LRP1B: variants seen among roughly 807,000 people sequenced by gnomAD.
The protein encoded by LRP1B is low-density lipoprotein receptor-related protein 1B.
In LRP1B, 217 loss-of-function variants were observed where a neutral mutation model predicts 556.6. The ratio of observed to expected loss-of-function variants is 0.39; its 90% CI spans 0.35 to 0.44. The LOEUF (loss-of-function observed/expected upper bound fraction) is 0.44. Among genes scored for constraint, LRP1B ranks in the 20% least tolerant of loss-of-function variants. The pLI is 1.00. For missense variants in LRP1B, 5,053 were observed against 5,620.8 expected (o/e 0.90, Z 3.23); for synonymous variants, 2,047 against 1,865.8 (o/e 1.10, Z -2.50).
intron 3 of LRP1B, among the ~76,000 whole-genome samples, chr2:141,318,375 T>C (rs1277204245): frequency 3.3e-5 from 5 of 152,144 alleles, no homozygotes; most frequent in African/African-American, 1.2e-4. Context: ...TAAAGAAGGA[T>C]CAATTTTAGC....
At chr2:141,343,449 A>G (rs1688140520) in intron 3 of LRP1B, among the ~76,000 whole-genome samples, 1 of 152,200 alleles carries the variant, frequency 6.6e-6, no homozygotes, top group South Asian at 2.1e-4. Flanking sequence ...TTTTTGATTG[A>G]ACACAAGATA....
At chr2:140,664,032 AAC>A (rs1685184983) in intron 41 of LRP1B, among the ~76,000 whole-genome samples, 1 of 152,174 alleles carries the variant, frequency 6.6e-6, no homozygotes, top group Admixed American at 6.5e-5. Flanking sequence ...GACCAATAAG[AAC>A]ACACACTGTA....
At chr2:141,213,115 T>G in intron 6 of LRP1B, among the ~76,000 whole-genome samples, 1 of 146,304 alleles carries the variant, frequency 6.8e-6, no homozygotes, top group Non-Finnish European at 1.5e-5. Flanking sequence ...CTCAGCTAAT[T>G]AATTTTTTTT....
At chr2:141,039,505 C>T (rs1010420586) in intron 11 of LRP1B, among the ~76,000 whole-genome samples, 2 of 152,002 alleles carry the variant, frequency 1.3e-5, no homozygotes, top group African/African-American at 4.8e-5. Context: ...GCTACTGTAG[C>T]TCTATGGGAC....
chr2:141,330,791 C>G (rs3109348), intron 3 of LRP1B, among the ~76,000 whole-genome samples: 86,050 of 144,526 alleles, frequency 0.6, 26,437 homozygotes, highest in African/African-American at 0.72. Context: ...CTCGCTCCGT[C>G]GCCCAGGCTG....
chr2:141,125,002 C>T (rs1701165684), intron 7 of LRP1B, among the ~76,000 whole-genome samples: 1 of 152,002 alleles, frequency 6.6e-6, no homozygotes, highest in Admixed American at 6.6e-5. Context: ...TTGTCACAAT[C>T]AATACCTAGG....
chr2:141,005,428 C>A lies in LRP1B; in HGVS notation c.2410G>T (p.Gly804Cys). 6.2e-7 allele frequency: 1 copy of A among 1,611,182 alleles called. No individual in the cohort carries two copies. The highest frequency in any genetic ancestry group is 8.5e-7 in the Non-Finnish European group (1 of 1,178,114). ...GDNMCRVNNGGCSTLCLAIPG... is the reference protein window; with the variant it reads ...GDNMCRVNNGCCSTLCLAIPG... ...ATAGCCAAGCAAAGTGTACTACAGC[C>A]CCCATTATTTACTCGGCACATATTG... Residue 804 changes from glycine to cysteine, a missense_variant, in exon 15 of 91, where the codon GGC (glycine) becomes TGC (cysteine). This residue lies in a region of LRP1B where 3,619 missense variants were observed against 3,931.9 expected (regional missense o/e 0.92). Coordinates refer to ENST00000389484, the MANE Select transcript of LRP1B (RefSeq NM_018557.3).
intron 7 of LRP1B, among the ~76,000 whole-genome samples, chr2:141,127,868 T>C (rs1701254580): frequency 6.6e-6 from 1 of 152,346 alleles, no homozygotes; most frequent in East Asian, 1.9e-4. Context: ...TTACTCTCTC[T>C]AGCTCTCTGA....
chr2:141,816,482 G>T (rs920325668), intron 1 of LRP1B, among the ~76,000 whole-genome samples: 9 of 152,082 alleles, frequency 5.9e-5, no homozygotes, highest in African/African-American at 2.2e-4. Context: ...TGGGCTTTTG[G>T]ACTTACACCA....
intron 2 of LRP1B, among the ~76,000 whole-genome samples, chr2:141,772,842 G>A (rs147460460): frequency 7.2e-5 from 11 of 152,236 alleles, no homozygotes; most frequent in Non-Finnish European, 1.0e-4. Context: ...GTTCTTAGGC[G>A]TGAAACTTCA....
At chr2:140,881,275 T>TGC (rs138479664) in intron 25 of LRP1B, among the ~76,000 whole-genome samples, 53 of 151,640 alleles carry the variant, frequency 3.5e-4, no homozygotes, top group East Asian at 7.8e-4. Flanking sequence ...TGTGTGTGTG[T>TGC]GCGTGTGTGT....
At chr2:141,288,972 A>G (rs1437196164) in intron 3 of LRP1B, among the ~76,000 whole-genome samples, 3 of 152,198 alleles carry the variant, frequency 2.0e-5, no homozygotes, top group Admixed American at 1.3e-4. Flanking sequence ...GTGTTTGTAC[A>G]TGTACTTTGG....
intron 7 of LRP1B, among the ~76,000 whole-genome samples, chr2:141,094,708 AGGAAGAAC>A (rs1451764388): frequency 4.6e-5 from 7 of 152,188 alleles, no homozygotes; most frequent in Admixed American, 3.9e-4. Context: ...ATCTAAGCTG[AGGAAGAAC>A]TTCATTACAA....
intron 43 of LRP1B, among the ~76,000 whole-genome samples, chr2:140,590,440 G>T (rs1231310345): frequency 6.6e-6 from 1 of 151,566 alleles, no homozygotes. Flanking sequence ...ACATGTTGAA[G>T]CCCTGACTCC....
intron 1 of LRP1B, among the ~76,000 whole-genome samples, chr2:141,982,498 C>A (rs1389031607): frequency 6.6e-6 from 1 of 152,082 alleles, no homozygotes. Flanking sequence ...AATACCACTG[C>A]CCACTGTGAA....
In LRP1B at chr2:141,486,396, TTTTA is replaced by T. The variant is rs775952786; in HGVS notation, c.206-5867_206-5864del. On this transcript the variant is annotated intron_variant, in intron 2 of 90. Transcript: ENST00000389484. ...ATTATTTTTAAGTATAGAGTAAATATTTTACTGTGTACATTAATAGGGGATAATA... is the reference window on the plus strand; with the variant it reads ...ATTATTTTTAAGTATAGAGTAAATATCTGTGTACATTAATAGGGGATAATA... 1.0e-3 allele frequency among the ~76,000 whole-genome samples: 159 copies of T among 152,268 alleles called. 1 individual carries two copies. Among genetic ancestry groups the T allele is most frequent in the Non-Finnish European group, 1.8e-3 (124 of 68,020 alleles).
At chr2:140,491,788 C>T (rs930120523) in intron 57 of LRP1B, among the ~76,000 whole-genome samples, 2 of 151,866 alleles carry the variant, frequency 1.3e-5, no homozygotes, top group Non-Finnish European at 2.9e-5. Flanking sequence ...TTATATTTTA[C>T]TCAGTCTTGT....
At chr2:140,764,893 G>A (rs921204705) in intron 35 of LRP1B, among the ~76,000 whole-genome samples, 4 of 152,122 alleles carry the variant, frequency 2.6e-5, no homozygotes, top group African/African-American at 9.7e-5. Context: ...TGTTTTTATT[G>A]TCTTAGCCAG....
At chr2:141,898,175 C>T (rs928461881) in intron 1 of LRP1B, among the ~76,000 whole-genome samples, 4 of 152,100 alleles carry the variant, frequency 2.6e-5, no homozygotes, top group Non-Finnish European at 4.4e-5. Context: ...TGGCTTTTGT[C>T]TGGTTCAAAC....
Sources: allele counts gnomAD v4.1 joint callset (sites outside exome capture counted in the v4.1 genomes callset), GRCh38; gene constraint gnomAD v4.1.1; regional missense constraint gnomAD v4.1.1; transcripts MANE v1.5; gene names NCBI Gene and HGNC (gene_info 2026-07-23, HGNC 2026-07-21).